The following NFS1 variants were observed in gnomAD, a reference collection of about 807,000 sequenced individuals.
The protein encoded by NFS1 is cysteine desulfurase.
In NFS1, 26 loss-of-function variants were observed where a neutral mutation model predicts 57.3. The observed-to-expected ratio is 0.45, with a 90% CI of 0.33 to 0.63. NFS1 has a LOEUF of 0.63. Ranked by LOEUF, NFS1 falls within the 20% of genes least tolerant of loss-of-function variation. The pLI is 0.02. For missense variants in NFS1, 505 were observed against 605.8 expected (o/e 0.83, Z 1.75); for synonymous variants, 209 against 216.3 (o/e 0.97, Z 0.30).
intron 1 of NFS1, 137 bp from the exon 2 acceptor site, chr20:35,698,727 G>T: frequency 7.0e-7 from 1 of 1,418,912 alleles, no homozygotes; most frequent in African/African-American, 1.5e-5. Context: ...TCAATGGAAA[G>T]AAAACAACAC....
chr20:35,691,900 T>C (rs763462756), intron 4 of NFS1, among the ~76,000 whole-genome samples: 13 of 148,270 alleles, frequency 8.8e-5, no homozygotes, highest in South Asian at 2.1e-4. Flanking sequence ...AATACAAAAA[T>C]GGCCAGGCGC....
chr20:35,670,215 C>A (rs925863690), intron 12 of NFS1, among the ~76,000 whole-genome samples: 15 of 152,122 alleles, frequency 9.9e-5, no homozygotes, highest in Non-Finnish European at 2.9e-5. Context: ...GTACCCTTAC[C>A]CAGTTCTTGC....
intron 7 of NFS1, 31 bp from the exon 8 acceptor site, chr20:35,675,233 A>G (rs540671408): frequency 6.4e-7 from 1 of 1,559,418 alleles, no homozygotes; most frequent in East Asian, 2.3e-5. Flanking sequence ...CAAAAAACAG[A>G]AAGAGAGAAA....
chr20:35,668,427 C>G lies in NFS1; in HGVS notation c.*1195G>C, dbSNP rs1209717877. The G allele has an allele frequency of 6.6e-6, 1 of 152,186 alleles. No individual in the cohort carries two copies. The highest frequency in any genetic ancestry group is 1.5e-5 in the Non-Finnish European group (1 of 68,026). The allele number at this position is 152,186 out of a possible 1,614,324, so 9.4% of individuals were successfully genotyped here. On this transcript the variant is annotated 3_prime_UTR_variant, in exon 13 of 13. Coordinates refer to ENST00000374092, the MANE Select transcript of NFS1 (RefSeq NM_021100.5). The stretch of plus-strand genomic sequence containing the variant: ...TATCTCCTTTTTTAAGTACTGGTAA[C>G]TACCCACCTATGGGTTCAGACCCAC...
chr20:35,687,693 T>C (rs2034971028), intron 5 of NFS1, among the ~76,000 whole-genome samples: 1 of 152,164 alleles, frequency 6.6e-6, no homozygotes, highest in African/African-American at 2.4e-5. Context: ...TCTCTGCACA[T>C]GGGGAGAAAA....
intron 12 of NFS1, among the ~76,000 whole-genome samples, chr20:35,672,408 C>T (rs2034671678): frequency 6.6e-6 from 1 of 152,082 alleles, no homozygotes. Context: ...CGCCACCACT[C>T]CCGGCTAATT....
chr20:35,686,112 G>T (rs2034938289), intron 5 of NFS1, among the ~76,000 whole-genome samples: 1 of 150,924 alleles, frequency 6.6e-6, no homozygotes, highest in African/African-American at 2.4e-5. Context: ...GTATTTTTTA[G>T]TAGAGACGGG....
chr20:35,696,963 G>A lies in NFS1; in HGVS notation c.325-503C>T, dbSNP rs73618510. Among the ~76,000 whole-genome samples, 965 of 152,138 alleles carry A rather than the reference G, an allele frequency of 6.3e-3. 8 individuals are homozygous for A. Among genetic ancestry groups the A allele is most frequent in the East Asian group, 0.04 (208 of 5,166 alleles). On this transcript the variant is annotated intron_variant, in intron 3 of 12. Coordinates refer to ENST00000374092, the MANE Select transcript of NFS1 (RefSeq NM_021100.5). ...CTCTACTAAAAATACAAATTTACCC[G>A]GGTGTGGTGGCGCATGCCTGTAATC... is the stretch of plus-strand genomic sequence containing the variant.
At chr20:35,686,693 C>CA (rs1454326506) in intron 5 of NFS1, among the ~76,000 whole-genome samples, 1 of 152,076 alleles carries the variant, frequency 6.6e-6, no homozygotes, top group African/African-American at 2.4e-5. Context: ...TGAGGATGTG[C>CA]AGGACACACT....
intron 2 of NFS1, 92 bp from the exon 3 acceptor site, chr20:35,697,892 A>C: frequency 1.3e-6 from 1 of 761,106 alleles, no homozygotes; most frequent in Non-Finnish European, 2.2e-6. Context: ...GCCTTAAGAC[A>C]CTCTCAACCC....
Position 35,675,187 on chromosome 20 carries a change from T to A in NFS1, c.806A>T (p.Tyr269Phe), listed in dbSNP as rs1431813513. The change falls in exon 8 of 13, where the codon TAC (tyrosine) becomes TTC (phenylalanine). Residue 269 changes from tyrosine (Y) to phenylalanine (F), a missense_variant. Tyr to Phe is a conservative substitution (Grantham distance 22). Coordinates refer to ENST00000374092, the MANE Select transcript of NFS1 (RefSeq NM_021100.5). ...ACGCACACGGGGCCGGCGACGGATGTAGATGGCACCAACCCCTGGGAAACA... is the reference window on the plus strand; with the variant it reads ...ACGCACACGGGGCCGGCGACGGATGAAGATGGCACCAACCCCTGGGAAACA... ...IYGPKGVGAI[Y>F]IRRRPRVRVE... is the part of the protein sequence containing the mutation. 1 of 1,611,702 alleles carries A rather than the reference T, an allele frequency of 6.2e-7. No homozygotes were observed.
intron 11 of NFS1, 41 bp downstream of exon 11, chr20:35,673,558 TAA>T (rs754098132): frequency 6.5e-7 from 1 of 1,532,858 alleles, no homozygotes; most frequent in Admixed American, 1.7e-5. Flanking sequence ...ATGAAAAATA[TAA>T]GAGGATGCCT....
In NFS1 at chr20:35,683,171, A is replaced by G. The variant is rs116202502; in HGVS notation, c.562-1190T>C. ...TACTGTATGATTCCATCCACATGACAGTATGAAATGACAAAATTAAAGAAA... is the reference window on the plus strand; with the variant it reads ...TACTGTATGATTCCATCCACATGACGGTATGAAATGACAAAATTAAAGAAA... On this transcript the variant is annotated intron_variant, in intron 5 of 12. Transcript: ENST00000374092. 4.2e-3 allele frequency among the ~76,000 whole-genome samples: 642 copies of G among 152,186 alleles called. 3 individuals are homozygous for G. Among genetic ancestry groups the G allele is most frequent in the African/African-American group, 0.015 (625 of 41,524 alleles).
At chr20:35,693,195 C>T (rs1207226147) in intron 4 of NFS1, among the ~76,000 whole-genome samples, 1 of 151,796 alleles carries the variant, frequency 6.6e-6, no homozygotes, top group Non-Finnish European at 1.5e-5. Flanking sequence ...CTCTGCCTCC[C>T]GAGTTCAAGC....
At chr20:35,680,696 TG>T in intron 7 of NFS1, 40 bp downstream of exon 7, 1 of 1,425,958 alleles carries the variant, frequency 7.0e-7, no homozygotes, top group Non-Finnish European at 9.2e-7. Flanking sequence ...AAGGTCTTGC[TG>T]GAAGGTACAG....
At chr20:35,672,965 TC>T in intron 11 of NFS1, 121 bp from the exon 12 acceptor site, 1 of 638,892 alleles carries the variant, frequency 1.6e-6, no homozygotes, top group Non-Finnish European at 2.7e-6. Context: ...ACATGGTCCT[TC>T]CCCTTTAGGC....
rs2035185189 is a variant in NFS1 at position 35,698,644 on chromosome 20, C to A, written c.98-54G>T. 6 of 1,528,558 alleles carry A rather than the reference C, an allele frequency of 3.9e-6. No individual in the cohort carries two copies. In the East Asian group the frequency reaches 1.2e-4, roughly 30 times the overall value. The allele number at this position is 1,528,558 out of a possible 1,614,324, so 94.7% of individuals were successfully genotyped here. Reference sequence around the variant, plus strand: ...GTAAGACCGAAGGCAACTATGAACGCATGGCATCCAAAGGGCAGAAGGAAA... The same window carrying A: ...GTAAGACCGAAGGCAACTATGAACGAATGGCATCCAAAGGGCAGAAGGAAA... On this transcript the variant is annotated intron_variant, in intron 1 of 12. Transcript: ENST00000374092.
rs540238425 is a variant in NFS1 at position 35,699,251 on chromosome 20, G to T, written c.38C>A (p.Ala13Glu). Residue 13 changes from alanine (A) to glutamate (E), a missense_variant, in exon 1 of 13, where the codon GCG (alanine) becomes GAG (glutamate). Physicochemically the swap from Ala to Glu is moderately radical, Grantham distance 107. Coordinates refer to ENST00000374092, the MANE Select transcript of NFS1 (RefSeq NM_021100.5). This position sits in a 1 kb window ranked among gnomAD's most constrained non-coding sequence, Gnocchi z 4.4. ...CTTCGGCCCTGGAGCCGCTGTCACCGCCACTGCCGCCCGCCTCCAAGCGGC... is the reference window on the plus strand; with the variant it reads ...CTTCGGCCCTGGAGCCGCTGTCACCTCCACTGCCGCCCGCCTCCAAGCGGC... ...LRAAWRRAAVAVTAAPGPKPA... is the reference protein window; with the variant it reads ...LRAAWRRAAVEVTAAPGPKPA... 4.9e-6 allele frequency: 7 copies of T among 1,425,586 alleles called. No homozygotes were observed. In the African/African-American group the frequency reaches 7.5e-5, roughly 15 times the overall value. The allele number at this position is 1,425,586 out of a possible 1,614,324, so 88.3% of individuals were successfully genotyped here. A position where few individuals can be genotyped will look rare whatever the true frequency, so the allele number is the denominator to read the frequency against.
rs1430183447 is a variant in NFS1, at chr20:35,693,967, AAAAT to A, written c.408+2406_408+2409del. ...ACAGAGCCAGGCTCCATCTCAAAAA[AAAAT>A]AAATAAATAAATTAAAATAACAAAA... On this transcript the variant is annotated intron_variant, in intron 4 of 12. Coordinates refer to ENST00000374092, the MANE Select transcript of NFS1 (RefSeq NM_021100.5). 1.8e-4 allele frequency among the ~76,000 whole-genome samples: 28 copies of A among 152,094 alleles called. No individual in the cohort carries two copies. The East Asian group carries it at 4.1e-3, about 22-fold the overall frequency.
Sources: gnomAD v4.1 joint callset for allele counts (sites outside exome capture counted in the v4.1 genomes callset) on GRCh38, gnomAD v4.1.1 for gene constraint, Gnocchi (gnomAD v3.1) non-coding constraint, MANE v1.5 for transcripts, NCBI Gene and HGNC (gene_info 2026-07-23, HGNC 2026-07-21) for gene names.